Variants in PELI2 observed in about 807,000 individuals in gnomAD.
PELI2 encodes pellino E3 ubiquitin protein ligase family member 2.
In PELI2, 23 loss-of-function variants were observed where a neutral mutation model predicts 42.3. The ratio of observed to expected loss-of-function variants is 0.54; its 90% CI spans 0.39 to 0.77. The LOEUF is 0.77. PELI2 is among the 30% of genes least tolerant of loss of function. PELI2 has a pLI of 0.00. For synonymous variants in PELI2, 245 were observed against 212.2 expected (o/e 1.15, Z -1.34); for missense variants, 463 against 553.2 (o/e 0.84, Z 1.64).
chr14:56,220,011 T>C (rs1042910940), intron 2 of PELI2, among the ~76,000 whole-genome samples: 1 of 152,184 alleles, frequency 6.6e-6, no homozygotes, highest in Non-Finnish European at 1.5e-5. Flanking sequence ...TCATAAACAG[T>C]TTAGGTAAAC....
intron 1 of PELI2, among the ~76,000 whole-genome samples, chr14:56,177,390 G>A (rs1041246955): frequency 6.6e-6 from 1 of 152,224 alleles, no homozygotes; most frequent in Non-Finnish European, 1.5e-5. Flanking sequence ...TTCTGGGGGA[G>A]CCTTGGAGCT....
chr14:56,170,965 C>T (rs1205552666), intron 1 of PELI2, among the ~76,000 whole-genome samples: 1 of 152,200 alleles, frequency 6.6e-6, no homozygotes, highest in African/African-American at 2.4e-5. Flanking sequence ...GCAGCTGAAA[C>T]AGGTGTGGCA....
chr14:56,278,144 C>G (rs1288132340), intron 2 of PELI2, among the ~76,000 whole-genome samples: 2 of 152,112 alleles, frequency 1.3e-5, no homozygotes, highest in Non-Finnish European at 2.9e-5. Context: ...ATTTTGTAAT[C>G]AACTCCTGAT....
At chr14:56,210,732 C>T (rs10145623) in intron 2 of PELI2, among the ~76,000 whole-genome samples, 14 of 152,170 alleles carry the variant, frequency 9.2e-5, no homozygotes, top group African/African-American at 3.4e-4. Flanking sequence ...GTTGAAGTTT[C>T]CCACAATAAT....
chr14:56,268,178 A>G (rs1454553837), intron 2 of PELI2, among the ~76,000 whole-genome samples: 1 of 152,210 alleles, frequency 6.6e-6, no homozygotes, highest in Non-Finnish European at 1.5e-5. Flanking sequence ...GCATTTTTGA[A>G]AGAGCAATAG....
At position 56,166,496 on chromosome 14, in the gene PELI2, T is replaced by C. The variant is rs186782083; in HGVS notation, c.78-11839T>C. Reference sequence around the variant, plus strand: ...CCTTCAGGTGATTATCTATTGCTCATTAATGTCCTTTTCTTTCTGATTGAA... The same window carrying C: ...CCTTCAGGTGATTATCTATTGCTCACTAATGTCCTTTTCTTTCTGATTGAA... On this transcript the variant is annotated intron_variant, in intron 1 of 5. Transcript: ENST00000267460. 4.7e-3 allele frequency among the ~76,000 whole-genome samples: 720 copies of C among 152,300 alleles called. 3 individuals carry two copies. Among genetic ancestry groups the C allele is most frequent in the Non-Finnish European group, 5.5e-3 (376 of 68,030 alleles).
At chr14:56,245,679 A>G (rs528027197) in intron 2 of PELI2, among the ~76,000 whole-genome samples, 12 of 152,338 alleles carry the variant, frequency 7.9e-5, no homozygotes, top group African/African-American at 2.4e-4. Flanking sequence ...CAAAATAGCA[A>G]TACTACAACT....
intron 2 of PELI2, among the ~76,000 whole-genome samples, chr14:56,237,368 A>C (rs141213883): frequency 6.6e-6 from 1 of 152,280 alleles, no homozygotes; most frequent in Non-Finnish European, 1.5e-5. Context: ...AAACGCATCC[A>C]CACCTTGCTT....
intron 1 of PELI2, among the ~76,000 whole-genome samples, chr14:56,147,412 T>C (rs1884168322): frequency 1.3e-5 from 2 of 152,284 alleles, no homozygotes; most frequent in South Asian, 4.1e-4. Flanking sequence ...TTTGCATTTA[T>C]GGGGAACAGC....
chr14:56,258,073 C>G (rs1156612445), intron 2 of PELI2, among the ~76,000 whole-genome samples: 4 of 152,146 alleles, frequency 2.6e-5, no homozygotes, highest in Non-Finnish European at 4.4e-5. Flanking sequence ...TAGTTATGTT[C>G]CCACCTGTAG....
At chr14:56,295,834 C>T (rs897406777) in intron 5 of PELI2, among the ~76,000 whole-genome samples, 1 of 152,242 alleles carries the variant, frequency 6.6e-6, no homozygotes, top group Non-Finnish European at 1.5e-5. Flanking sequence ...GCACTCTGAG[C>T]TCTGGGCATG....
At chr14:56,253,520 A>G (rs1159756643) in intron 2 of PELI2, among the ~76,000 whole-genome samples, 5 of 152,246 alleles carry the variant, frequency 3.3e-5, no homozygotes, top group Non-Finnish European at 7.3e-5. Flanking sequence ...TACAAAATCA[A>G]TGTGCAAAAA....
intron 2 of PELI2, among the ~76,000 whole-genome samples, chr14:56,208,242 A>T (rs1003024899): frequency 6.6e-6 from 1 of 152,204 alleles, no homozygotes; most frequent in Non-Finnish European, 1.5e-5. Context: ...TGCAGGTGCT[A>T]TGGAAGTGCC....
At position 56,296,834 on chromosome 14, in the gene PELI2, C is replaced by G. The variant is rs756031270; in HGVS notation, c.931C>G (p.Leu311Val). ...GGAGGAGAAGCAGCCCTGGGCATAT[C>G]TCAGTTGTGGCCACGTGCACGGGTA... ...VVEEKQPWAY[L>V]SCGHVHGYHN... Residue 311 changes from leucine (L) to valine (V), a missense_variant, in exon 6 of 6, where the codon CTC becomes GTC. Transcript: ENST00000267460. The G allele has an allele frequency of 6.2e-7, 1 of 1,614,140 alleles. No homozygotes were observed. The highest frequency in any genetic ancestry group is 8.5e-7 in the Non-Finnish European group (1 of 1,180,026).
At chr14:56,123,119 A>G (rs1883124939) in intron 1 of PELI2, among the ~76,000 whole-genome samples, 1 of 151,946 alleles carries the variant, frequency 6.6e-6, no homozygotes, top group Admixed American at 6.6e-5. Context: ...CCTTTGGATG[A>G]TTCAGTGTTT....
intron 2 of PELI2, among the ~76,000 whole-genome samples, chr14:56,267,965 T>C (rs1888966461): frequency 1.3e-5 from 2 of 152,222 alleles, no homozygotes; most frequent in Non-Finnish European, 2.9e-5. Flanking sequence ...AATTACATGG[T>C]AAGTCATTGG....
chr14:56,153,372 T>TA (rs1349574065), intron 1 of PELI2, among the ~76,000 whole-genome samples: 1 of 152,164 alleles, frequency 6.6e-6, no homozygotes, highest in Non-Finnish European at 1.5e-5. Flanking sequence ...GAGTCAAACT[T>TA]AAAGATAAAG....
intron 1 of PELI2, among the ~76,000 whole-genome samples, chr14:56,141,006 G>A (rs1293195221): frequency 6.6e-6 from 1 of 152,178 alleles, no homozygotes; most frequent in Non-Finnish European, 1.5e-5. Context: ...CCTGTCTGCT[G>A]AGGAAAGCAT....
At chr14:56,275,270 C>T (rs1418612412) in intron 2 of PELI2, among the ~76,000 whole-genome samples, 2 of 152,018 alleles carry the variant, frequency 1.3e-5, no homozygotes, top group Non-Finnish European at 2.9e-5. Context: ...TCTACACCAG[C>T]AGTCCCCAGC....
Sources: allele counts gnomAD v4.1 joint callset (sites outside exome capture counted in the v4.1 genomes callset), GRCh38; gene constraint gnomAD v4.1.1; transcripts MANE v1.5; gene names NCBI Gene and HGNC (gene_info 2026-07-23, HGNC 2026-07-21).